The following TENM3 variants were observed in gnomAD, a reference collection of about 807,000 sequenced individuals.
The protein encoded by TENM3 is teneurin transmembrane protein 3.
In TENM3, 63 loss-of-function variants were observed where a neutral mutation model predicts 255.1. That is an observed-to-expected ratio of 0.25 (90% CI 0.20 to 0.30). The LOEUF (loss-of-function observed/expected upper bound fraction) is 0.30. Ranked by LOEUF, TENM3 falls within the 10% of genes least tolerant of loss-of-function variation. The pLI, the probability that TENM3 is intolerant of heterozygous loss-of-function variation, is 1.00. For synonymous variants in TENM3, 1,306 were observed against 1,322.3 expected (o/e 0.99, Z 0.27); for missense variants, 2,929 against 3,461.1 (o/e 0.85, Z 3.86).
chr4:182,526,259 C>T (rs921612212), intron 3 of TENM3, among the ~76,000 whole-genome samples: 14 of 151,936 alleles, frequency 9.2e-5, no homozygotes, highest in East Asian at 3.9e-4. Flanking sequence ...GGATTACAGG[C>T]GTGAGCCACC....
chr4:182,426,459 AT>A (rs1771235838), intron 3 of TENM3, among the ~76,000 whole-genome samples: 2 of 152,236 alleles, frequency 1.3e-5, no homozygotes, highest in African/African-American at 4.8e-5. Flanking sequence ...CTTGATACTT[AT>A]GCAGATCTCT....
chr4:182,625,406 T>A (rs1293602305), intron 4 of TENM3, among the ~76,000 whole-genome samples: 1 of 151,772 alleles, frequency 6.6e-6, no homozygotes, highest in Admixed American at 6.6e-5. Context: ...GAACTGCGCA[T>A]GTGAGGGATC....
the TENM3 span, among the ~76,000 whole-genome samples, chr4:181,577,002 A>AAT: frequency 8.4e-5 from 11 of 130,210 alleles, no homozygotes; most frequent in Non-Finnish European, 4.7e-5. Flanking sequence ...TTATATATAT[A>AAT]ATATATATAT....
At chr4:182,442,151 A>G (rs1772538432) in intron 3 of TENM3, among the ~76,000 whole-genome samples, 1 of 152,200 alleles carries the variant, frequency 6.6e-6, no homozygotes, top group Non-Finnish European at 1.5e-5. Context: ...CTCTATCCAC[A>G]ATGATGCATA....
At chr4:182,240,943 C>T (rs1489537944), upstream of TENM3, among the ~76,000 whole-genome samples, 1 of 152,220 alleles carries the variant, frequency 6.6e-6, no homozygotes, top group Non-Finnish European at 1.5e-5. Flanking sequence ...CTCTTTCCCG[C>T]TCCACTGACC....
chr4:182,669,747 A>G (rs1755047433), intron 6 of TENM3, among the ~76,000 whole-genome samples: 1 of 152,228 alleles, frequency 6.6e-6, no homozygotes, highest in Non-Finnish European at 1.5e-5. Context: ...TTGTTTTAAT[A>G]AAAAGCAAAG....
At chr4:182,009,000 G>T in the TENM3 span, among the ~76,000 whole-genome samples, 1 of 151,984 alleles carries the variant, frequency 6.6e-6, no homozygotes, top group Non-Finnish European at 1.5e-5. Context: ...CTTCTTTAGG[G>T]CTGCTGCAGT....
chr4:181,473,249 G>A, the TENM3 span, among the ~76,000 whole-genome samples: 1 of 152,042 alleles, frequency 6.6e-6, no homozygotes, highest in Admixed American at 6.5e-5. Context: ...TCCTTATTTG[G>A]TTGTTTTTCA....
the TENM3 span, among the ~76,000 whole-genome samples, chr4:182,036,831 C>T: frequency 3.3e-5 from 5 of 152,098 alleles, no homozygotes; most frequent in African/African-American, 9.7e-5. Context: ...TCAGCCACAA[C>T]TTTATTAAAC....
At chr4:181,701,423 C>T in the TENM3 span, among the ~76,000 whole-genome samples, 1 of 152,206 alleles carries the variant, frequency 6.6e-6, no homozygotes, top group African/African-American at 2.4e-5. Flanking sequence ...ATTGATTTAG[C>T]CATGAGCTCA....
intron 3 of TENM3, among the ~76,000 whole-genome samples, chr4:182,464,352 GTTCAAGTGA>G (rs1304741197): frequency 6.6e-6 from 1 of 152,108 alleles, no homozygotes; most frequent in Non-Finnish European, 1.5e-5. Context: ...CGCCTCCCGG[GTTCAAGTGA>G]TTCTCCTGAC....
rs565820579 is a variant in TENM3 at position 182,632,461 on chromosome 4, T to G, written c.988+3572T>G. Among the ~76,000 whole-genome samples the G allele has an allele frequency of 5.8e-4, 88 of 152,356 alleles. No individual in the cohort carries two copies. In the South Asian group the frequency reaches 0.011, roughly 19 times the overall value. On this transcript the variant is annotated intron_variant, in intron 5 of 27. Transcript: ENST00000511685. The stretch of plus-strand genomic sequence containing the variant: ...TTTTATTATGCATATTTTTAACTTT[T>G]GCCAATCTCTTAGGTTAAAAGGTTG...
intron 6 of TENM3, among the ~76,000 whole-genome samples, chr4:182,672,659 C>T (rs1279748155): frequency 6.6e-6 from 1 of 152,170 alleles, no homozygotes; most frequent in Non-Finnish European, 1.5e-5. Flanking sequence ...AAGTACCAGA[C>T]CCTAATCTCT....
At chr4:181,494,781 A>G in the TENM3 span, among the ~76,000 whole-genome samples, 11 of 152,052 alleles carry the variant, frequency 7.2e-5, no homozygotes, top group African/African-American at 1.9e-4. Flanking sequence ...AGTGCTTCCC[A>G]TATTCATCTT....
At chr4:181,818,086 A>G in the TENM3 span, among the ~76,000 whole-genome samples, 29 of 152,224 alleles carry the variant, frequency 1.9e-4, no homozygotes, top group African/African-American at 7.0e-4. Context: ...ACATTGTTTT[A>G]TAGTTTAGCT....
At chr4:181,986,230 T>C in the TENM3 span, among the ~76,000 whole-genome samples, 1 of 152,086 alleles carries the variant, frequency 6.6e-6, no homozygotes, top group African/African-American at 2.4e-5. Context: ...TTTCTTCTTC[T>C]GCACAAATAC....
At chr4:182,123,338 G>A in the TENM3 span, among the ~76,000 whole-genome samples, 1 of 152,150 alleles carries the variant, frequency 6.6e-6, no homozygotes, top group Admixed American at 6.5e-5. Flanking sequence ...TTTGGCACAA[G>A]AGACTTAGCT....
At chr4:182,490,963 AAG>A (rs1436340374) in intron 3 of TENM3, among the ~76,000 whole-genome samples, 2 of 152,204 alleles carry the variant, frequency 1.3e-5, no homozygotes, top group African/African-American at 4.8e-5. Context: ...TGAGAATAAA[AAG>A]GTAATTTAAC....
At chr4:182,574,997 A>AT (rs1433834196) in intron 3 of TENM3, among the ~76,000 whole-genome samples, 1 of 152,134 alleles carries the variant, frequency 6.6e-6, no homozygotes, top group African/African-American at 2.4e-5. Context: ...TTTATAACCG[A>AT]TTTTTGCCTT....
Sources: allele counts gnomAD v4.1 joint callset (sites outside exome capture counted in the v4.1 genomes callset), GRCh38; gene constraint gnomAD v4.1.1; transcripts MANE v1.5; gene names NCBI Gene and HGNC (gene_info 2026-07-23, HGNC 2026-07-21).